The following ARHGAP20 variants were observed in gnomAD, a reference collection of about 807,000 sequenced individuals.
ARHGAP20 encodes the protein rho GTPase-activating protein 20.
Under a neutral mutation model 73.7 loss-of-function variants are expected in ARHGAP20, and 34 were observed. The observed-to-expected ratio is 0.46, with a 90% CI of 0.35 to 0.61. ARHGAP20 has a LOEUF of 0.61. Ranked by LOEUF, ARHGAP20 falls within the 20% of genes least tolerant of loss-of-function variation. The pLI, the probability that ARHGAP20 is intolerant of heterozygous loss-of-function variation, is 0.00. For missense variants in ARHGAP20, 1,314 were observed against 1,420.9 expected (o/e 0.92, Z 1.21); for synonymous variants, 523 against 518.2 (o/e 1.01, Z -0.13).
At chr11:110,668,842 T>G (rs909622785) in intron 2 of ARHGAP20, among the ~76,000 whole-genome samples, 5 of 152,114 alleles carry the variant, frequency 3.3e-5, no homozygotes, top group East Asian at 1.9e-4. Context: ...ATGCCTGAAT[T>G]TGACAAAGGT....
At chr11:110,584,966 TATATGA>T (rs144081658) in intron 12 of ARHGAP20, among the ~76,000 whole-genome samples, 5 of 105,894 alleles carry the variant, frequency 4.7e-5, no homozygotes, top group Admixed American at 9.5e-5. Context: ...TATATGTGAA[TATATGA>T]ATATATATGT....
At chr11:110,698,682 T>C (rs773276575) in intron 1 of ARHGAP20, among the ~76,000 whole-genome samples, 3 of 151,918 alleles carry the variant, frequency 2.0e-5, no homozygotes, top group Non-Finnish European at 4.4e-5. Context: ...CCATCTCCTC[T>C]AGATTTTCTA....
chr11:110,616,701 T>TA (rs1555088472), intron 4 of ARHGAP20, among the ~76,000 whole-genome samples: 3 of 150,782 alleles, frequency 2.0e-5, no homozygotes, highest in East Asian at 1.9e-4. Context: ...TTTTTTTTTT[T>TA]ACCATTGAGC....
chr11:110,640,268 C>T lies in ARHGAP20; in HGVS notation c.189-9476G>A, dbSNP rs538794190. On this transcript the variant is annotated intron_variant, in intron 2 of 14. Transcript: ENST00000683387. Reference sequence around the variant, plus strand: ...ACTCACCTCTCTCAAATTAATCTTCCGGATGCATAGTACCAATGATCATAG... The same window carrying T: ...ACTCACCTCTCTCAAATTAATCTTCTGGATGCATAGTACCAATGATCATAG... 3.9e-5 allele frequency among the ~76,000 whole-genome samples: 6 copies of T among 152,038 alleles called. No individual in the cohort carries two copies. The South Asian group carries it at 8.3e-4, about 21-fold the overall frequency.
At position 110,578,719 on chromosome 11, in the gene ARHGAP20, A is replaced by G. The variant is rs1395214370; in HGVS notation, c.*651T>C. 3.0e-6 allele frequency: 3 copies of G among 985,282 alleles called. No individual in the cohort carries two copies. The East Asian group carries it at 3.4e-4, about 112-fold the overall frequency. 61.0% of individuals were successfully genotyped at this position (985,282 alleles called of 1,614,324 possible). Reference sequence around the variant, plus strand: ...AAAAACAAACCGACAAATACAACCAACAAAACTGATATCATGGTACCCATG... The same window carrying G: ...AAAAACAAACCGACAAATACAACCAGCAAAACTGATATCATGGTACCCATG... On this transcript the variant is annotated 3_prime_UTR_variant, in exon 15 of 15. Transcript: ENST00000683387.
intron 2 of ARHGAP20, among the ~76,000 whole-genome samples, chr11:110,681,175 T>C (rs1290691591): frequency 6.6e-6 from 1 of 152,210 alleles, no homozygotes; most frequent in South Asian, 2.1e-4. Flanking sequence ...AGACAGCACA[T>C]GGAACAGTGT....
chr11:110,680,685 C>T (rs145780913), intron 2 of ARHGAP20, among the ~76,000 whole-genome samples: 2 of 152,198 alleles, frequency 1.3e-5, no homozygotes, highest in South Asian at 2.1e-4. Context: ...ATTAATTTGA[C>T]CCCATCAAAG....
chr11:110,622,160 G>C (rs1948643395), intron 4 of ARHGAP20, among the ~76,000 whole-genome samples: 1 of 152,172 alleles, frequency 6.6e-6, no homozygotes, highest in Non-Finnish European at 1.5e-5. Context: ...AGCTCAGAAA[G>C]ATTGTTTTTG....
intron 1 of ARHGAP20, among the ~76,000 whole-genome samples, chr11:110,698,035 C>A (rs186257820): frequency 7.9e-5 from 12 of 151,694 alleles, no homozygotes; most frequent in Admixed American, 6.6e-5. Context: ...TTTAATGATA[C>A]TGATTTTTCC....
intron 2 of ARHGAP20, among the ~76,000 whole-genome samples, chr11:110,686,817 A>G (rs577466489): frequency 6.6e-6 from 1 of 150,992 alleles, no homozygotes; most frequent in Non-Finnish European, 1.5e-5. Flanking sequence ...AGGAATCACT[A>G]AACTAGAGGA....
chr11:110,627,164 C>A (rs1948762693), intron 3 of ARHGAP20, among the ~76,000 whole-genome samples: 1 of 152,156 alleles, frequency 6.6e-6, no homozygotes, highest in African/African-American at 2.4e-5. Context: ...TCTTGGCTCA[C>A]TGCAACCACC....
chr11:110,612,077 C>T (rs538721360), intron 6 of ARHGAP20, among the ~76,000 whole-genome samples: 1 of 152,216 alleles, frequency 6.6e-6, no homozygotes. Context: ...TCTGTAATAG[C>T]TCTGTGCTAA....
Position 110,579,593 on chromosome 11 carries a change from G to C in ARHGAP20, c.3353C>G (p.Ser1118Ter), listed in dbSNP as rs369256834. 4 of 1,613,884 alleles carry C rather than the reference G, an allele frequency of 2.5e-6. No individual in the cohort carries two copies. Among genetic ancestry groups the C allele is most frequent in the Non-Finnish European group, 3.4e-6 (4 of 1,179,900 alleles). The change falls in exon 15 of 15, where the codon TCA becomes TGA. Residue 1118 changes from serine (S) to a stop codon, truncating the protein, a stop_gained. Coordinates refer to ENST00000683387, the MANE Select transcript of ARHGAP20 (RefSeq NM_001384657.1). LOFTEE classifies it low-confidence loss of function (END_TRUNC). ...GAATGGAGAGCTACAGTGTCTCTCT[G>C]AGTCCTGGAAGGGAGAAGAACTACA... ...QRCSSSPFQD[S>*]ERHCSSPFSL...
rs1158071153 is a variant in ARHGAP20 at position 110,578,039 on chromosome 11, A to G, written c.*1331T>C. On this transcript the variant is annotated 3_prime_UTR_variant, in exon 15 of 15. Transcript: ENST00000683387. ...TATAGGTTAGTAGTTAATGTGAAAGAAGATGCACATCCATTTTTAGTGCCA... is the reference window on the plus strand; with the variant it reads ...TATAGGTTAGTAGTTAATGTGAAAGGAGATGCACATCCATTTTTAGTGCCA... The G allele has an allele frequency of 1.0e-6, 1 of 985,334 alleles. No homozygotes were observed. The highest frequency in any genetic ancestry group is 6.1e-5 in the Admixed American group (1 of 16,274). The allele number at this position is 985,334 out of a possible 1,614,324, so 61.0% of individuals were successfully genotyped here. A position where few individuals can be genotyped will look rare whatever the true frequency, so the allele number is the denominator to read the frequency against.
At chr11:110,641,755 T>C (rs11213509) in intron 2 of ARHGAP20, among the ~76,000 whole-genome samples, 4,066 of 152,078 alleles carry the variant, frequency 0.027, 188 homozygotes, top group African/African-American at 0.094. Context: ...TATGAAAGAA[T>C]GAGAAGAATC....
intron 4 of ARHGAP20, among the ~76,000 whole-genome samples, chr11:110,620,258 C>T (rs1422785105): frequency 2.0e-5 from 3 of 152,012 alleles, no homozygotes; most frequent in African/African-American, 7.3e-5. Flanking sequence ...TCAAGCAATC[C>T]TCCACCTCAG....
At chr11:110,602,360 G>A (rs1325758454) in intron 9 of ARHGAP20, among the ~76,000 whole-genome samples, 1 of 152,168 alleles carries the variant, frequency 6.6e-6, no homozygotes, top group Admixed American at 6.5e-5. Flanking sequence ...ACTGTGCAAT[G>A]AAGTAACAGC....
At chr11:110,712,013 C>G in intron 1 of ARHGAP20, 114 bp downstream of exon 1, 1 of 1,240,738 alleles carries the variant, frequency 8.1e-7, no homozygotes, top group Non-Finnish European at 1.0e-6. Context: ...GAGCCTCGAG[C>G]GTCAAATTCC....
At chr11:110,611,164 G>A (rs957432235) in intron 7 of ARHGAP20, 145 bp downstream of exon 7, 2 of 517,258 alleles carry the variant, frequency 3.9e-6, no homozygotes, top group African/African-American at 4.0e-5. Context: ...AAGCTTTACT[G>A]TTCTCATTTT....
Sources: gnomAD v4.1 joint callset for allele counts (sites outside exome capture counted in the v4.1 genomes callset) on GRCh38, gnomAD v4.1.1 for gene constraint, MANE v1.5 for transcripts, NCBI Gene and HGNC (gene_info 2026-07-23, HGNC 2026-07-21) for gene names.